NBEAL1: variants seen among roughly 807,000 people sequenced by gnomAD.
The protein encoded by NBEAL1 is neurobeachin like 1.
NBEAL1 carries 273 observed loss-of-function variants against 351.3 expected under a neutral mutation model. That is an observed-to-expected ratio of 0.78 (90% CI 0.70 to 0.86). NBEAL1 has a LOEUF of 0.86. Ranked by LOEUF, NBEAL1 falls within the 40% of genes least tolerant of loss-of-function variation. NBEAL1 has a pLI of 0.00. For missense variants in NBEAL1, 2,961 were observed against 3,201.3 expected, an observed-to-expected ratio of 0.92 and a Z score of 1.81; for synonymous variants, 1,050 against 1,086.4, an observed-to-expected ratio of 0.97 and a Z score of 0.66.
chr2:203,147,096 ATAGGGAAC>A (rs1173780696), intron 33 of NBEAL1, among the ~76,000 whole-genome samples: 1 of 152,180 alleles, frequency 6.6e-6, no homozygotes, highest in East Asian at 1.9e-4. Flanking sequence ...TTTCTCTAAG[ATAGGGAAC>A]TAGGCAGGGA....
chr2:203,093,858 CAAT>C (rs2062121656), intron 10 of NBEAL1, among the ~76,000 whole-genome samples: 1 of 151,884 alleles, frequency 6.6e-6, no homozygotes, highest in African/African-American at 2.4e-5. Flanking sequence ...AAAACAAAAA[CAAT>C]AAAAAAAACA....
At chr2:203,042,266 C>T (rs2061154268) in intron 3 of NBEAL1, among the ~76,000 whole-genome samples, 1 of 152,234 alleles carries the variant, frequency 6.6e-6, no homozygotes, top group Non-Finnish European at 1.5e-5. Flanking sequence ...AGTTCAGTAA[C>T]TCACTACACT....
rs186928807 is a variant in NBEAL1, at chr2:203,213,108, G to T, written c.7935-410G>T. ...ACCTTCCCTCTAATCTCTCTAAAGG[G>T]AACGTAAAGACTATTTACCTTAGAT... On this transcript the variant is annotated intron_variant, in intron 54 of 55. Coordinates refer to ENST00000683969, the MANE Select transcript of NBEAL1 (RefSeq NM_001378026.1). 5.5e-4 allele frequency among the ~76,000 whole-genome samples: 83 copies of T among 152,168 alleles called. No individual in the cohort carries two copies. The Middle Eastern group carries it at 0.024, about 44-fold the overall frequency.
At chr2:203,136,390 A>G (rs1361478181) in intron 28 of NBEAL1, 138 bp downstream of exon 28, 1 of 819,372 alleles carries the variant, frequency 1.2e-6, no homozygotes, top group Non-Finnish European at 1.8e-6. Context: ...AAGGTTTAGA[A>G]ACCTGGAAGT....
rs756275692 is a variant in NBEAL1, at chr2:203,136,184, G to C, written c.4321G>C (p.Asp1441His). Residue 1441 changes from aspartate (D) to histidine (H), a missense_variant, in exon 28 of 56, where the codon GAC becomes CAC. Physicochemically the swap from Asp to His is moderately conservative, Grantham distance 81. Transcript: ENST00000683969. ...TACTAAATCGTTTTCTGTGCACTCT[G>C]ACAGAGAAAGCAGCATCACAAATGA... is the stretch of plus-strand genomic sequence containing the variant. ...ESTKSFSVHS[D>H]RESSITNDMG... is the part of the protein sequence containing the mutation. The C allele has an allele frequency of 5.0e-6, 8 of 1,612,756 alleles. No individual in the cohort carries two copies. In the South Asian group the frequency reaches 8.8e-5, roughly 18 times the overall value.
At chr2:203,148,891 C>T in intron 33 of NBEAL1, 100 bp from the exon 34 acceptor site, 1 of 1,058,238 alleles carries the variant, frequency 9.4e-7, no homozygotes, top group East Asian at 2.8e-5. Flanking sequence ...TCTCATAATG[C>T]AAGATTTTAT....
chr2:203,130,323 T>C lies in NBEAL1; in HGVS notation c.3411T>C (p.Phe1137=), dbSNP rs747795872. 1.3e-6 allele frequency: 2 copies of C among 1,528,242 alleles called. No individual in the cohort carries two copies. The highest frequency in any genetic ancestry group is 1.3e-5 in the South Asian group (1 of 78,636). The allele number at this position is 1,528,242 out of a possible 1,614,324, so 94.7% of individuals were successfully genotyped here. The part of the protein sequence containing the change: ...IAATNEEEQL[F]GILDVLFSLL... The stretch of plus-strand genomic sequence containing the variant: ...GTGTTGTTTAATTTTAAAAGCTCTT[T>C]GGAATTTTGGACGTGCTCTTCAGTC... The change falls in exon 25 of 56, where the codon TTT becomes TTC. Residue 1137 remains phenylalanine (F), a synonymous_variant. Transcript: ENST00000683969.
At chr2:203,045,094 A>G (rs1278241764) in intron 3 of NBEAL1, among the ~76,000 whole-genome samples, 1 of 152,152 alleles carries the variant, frequency 6.6e-6, no homozygotes, top group Non-Finnish European at 1.5e-5. Flanking sequence ...CCAAGCCCCA[A>G]TTTTATAATT....
At position 203,211,009 on chromosome 2, in the gene NBEAL1, C is replaced by G. The variant is rs780340446; in HGVS notation, c.7837C>G (p.Gln2613Glu). 1.2e-6 allele frequency: 2 copies of G among 1,604,922 alleles called. No individual in the cohort carries two copies. Among genetic ancestry groups the G allele is most frequent in the East Asian group, 4.5e-5 (2 of 44,580 alleles). Reference protein sequence around the residue: ...FSINGKYLGSQILKEQVSDIC... With the variant: ...FSINGKYLGSEILKEQVSDIC... ...TATAAATGGCAAGTATCTAGGGTCTCAAATCCTGAAGGAACAAGTATCAGA... is the reference window on the plus strand; with the variant it reads ...TATAAATGGCAAGTATCTAGGGTCTGAAATCCTGAAGGAACAAGTATCAGA... Residue 2613 changes from glutamine to glutamate, a missense_variant, in exon 54 of 56, where the codon CAA becomes GAA. Coordinates refer to ENST00000683969, the MANE Select transcript of NBEAL1 (RefSeq NM_001378026.1).
Position 203,107,757 on chromosome 2 carries a change from T to C in NBEAL1, c.1518T>C (p.Asn506=). The C allele has an allele frequency of 6.4e-7, 1 of 1,554,144 alleles. No individual in the cohort carries two copies. The highest frequency in any genetic ancestry group is 1.2e-5 in the South Asian group (1 of 84,240). Residue 506 remains asparagine, a synonymous_variant, in exon 14 of 56, where the codon AAT becomes AAC. Coordinates refer to ENST00000683969, the MANE Select transcript of NBEAL1 (RefSeq NM_001378026.1). ...GGCTGAAAAGAATTTGTTGTATTAA[T>C]AGACAGAGTCGAACTACTTGTGTCA... ...SDWLKRICCI[N]RQSRTTCVNA... is the part of the protein sequence containing the mutation.
intron 51 of NBEAL1, among the ~76,000 whole-genome samples, chr2:203,207,322 C>G (rs1268463720): frequency 4.1e-5 from 6 of 145,636 alleles, no homozygotes; most frequent in East Asian, 2.1e-4. Context: ...CAGCCGCCCC[C>G]TCCGGGAGGT....
chr2:203,143,474 A>G (rs1469163077), intron 31 of NBEAL1, among the ~76,000 whole-genome samples: 1 of 152,244 alleles, frequency 6.6e-6, no homozygotes, highest in Admixed American at 6.5e-5. Flanking sequence ...CATATAGTTT[A>G]GAATTTCATA....
chr2:203,066,282 C>A (rs1226883198), intron 6 of NBEAL1, among the ~76,000 whole-genome samples: 2 of 150,184 alleles, frequency 1.3e-5, no homozygotes, highest in Non-Finnish European at 2.9e-5. Flanking sequence ...TGGAAATAAT[C>A]TCGTGGAAAA....
chr2:203,016,463 T>G, intron 2 of NBEAL1, 28 bp downstream of exon 2: 1 of 1,360,806 alleles, frequency 7.3e-7, no homozygotes, highest in Non-Finnish European at 9.9e-7. Context: ...TATTTTTATG[T>G]TTTAAAATAC....
chr2:203,197,501 G>A lies in NBEAL1; in HGVS notation c.7128+110G>A, dbSNP rs150705368. The A allele has an allele frequency of 1.0e-4, 66 of 655,640 alleles. No homozygotes were observed. In the African/African-American group the frequency reaches 1.1e-3, roughly 11 times the overall value. 40.6% of individuals were successfully genotyped at this position (655,640 alleles called of 1,614,324 possible). The stretch of plus-strand genomic sequence containing the variant: ...AGCCACTTTTTGGCTGTGCATGGTG[G>A]TTCATGCCTGTAATCCCAGCGCTTT... On this transcript the variant is annotated intron_variant, in intron 48 of 55. Transcript: ENST00000683969.
At chr2:203,140,858 C>T (rs1575032295) in intron 31 of NBEAL1, among the ~76,000 whole-genome samples, 3 of 151,962 alleles carry the variant, frequency 2.0e-5, no homozygotes, top group South Asian at 4.1e-4. Flanking sequence ...GCCATCATAA[C>T]GAAACCCCAT....
intron 19 of NBEAL1, among the ~76,000 whole-genome samples, chr2:203,123,182 T>A (rs1487184256): frequency 6.6e-6 from 1 of 150,686 alleles, no homozygotes; most frequent in Non-Finnish European, 1.5e-5. Flanking sequence ...ACCAAATACG[T>A]TTATTATTTC....
chr2:203,174,745 G>A (rs890014055), intron 41 of NBEAL1, among the ~76,000 whole-genome samples: 1 of 151,904 alleles, frequency 6.6e-6, no homozygotes, highest in African/African-American at 2.4e-5. Context: ...AGAAAAATTA[G>A]CTGGGCGTGG....
At chr2:203,148,860 C>A in intron 33 of NBEAL1, 131 bp from the exon 34 acceptor site, 1 of 598,832 alleles carries the variant, frequency 1.7e-6, no homozygotes, top group African/African-American at 1.9e-5. Context: ...TAAGAAAAGC[C>A]TATTGGTTAC....
Sources: gnomAD v4.1 joint callset for allele counts (sites outside exome capture counted in the v4.1 genomes callset) on GRCh38, gnomAD v4.1.1 for gene constraint, MANE v1.5 for transcripts, NCBI Gene and HGNC (gene_info 2026-07-23, HGNC 2026-07-21) for gene names.